Variants in HBG2 observed in about 807,000 individuals in gnomAD.
The protein encoded by HBG2 is hemoglobin subunit gamma 2.
For missense variants in HBG2, 59 were observed against 155.7 expected (o/e 0.38, Z 3.31); for synonymous variants, 25 against 63.2 (o/e 0.40, Z 2.87).
chr11:5,253,189 G>C lies in HBG2; in HGVS notation c.*88C>G, dbSNP rs1237666371. ...TAAAAAAAGAACTGAAGACAACCATGTGTGATCTCTTAGCAGAATAGATTT... is the reference window on the plus strand; with the variant it reads ...TAAAAAAAGAACTGAAGACAACCATCTGTGATCTCTTAGCAGAATAGATTT... On this transcript the variant is annotated 3_prime_UTR_variant, in exon 3 of 3. Transcript: ENST00000336906. 1.9e-6 allele frequency: 3 copies of C among 1,584,910 alleles called. No individual in the cohort carries two copies. The highest frequency in any genetic ancestry group is 2.6e-6 in the Non-Finnish European group (3 of 1,154,560).
rs530883230 is a variant in HBG2 at position 5,253,264 on chromosome 11, A to T, written c.*13T>A. On this transcript the variant is annotated 3_prime_UTR_variant, in exon 3 of 3. Coordinates refer to ENST00000336906, the MANE Select transcript of HBG2 (RefSeq NM_000184.3). ...AGCCTATCCTTGAAAGCTCTGCATCATGGGCAGTGAGCTCAGTGGTATCTG... is the reference window on the plus strand; with the variant it reads ...AGCCTATCCTTGAAAGCTCTGCATCTTGGGCAGTGAGCTCAGTGGTATCTG... The T allele has an allele frequency of 6.2e-7, 1 of 1,614,040 alleles. No homozygotes were observed. Among genetic ancestry groups the T allele is most frequent in the African/African-American group, 1.3e-5 (1 of 75,050 alleles).
chr11:5,253,966 C>T (rs1219872456), intron 2 of HBG2, among the ~76,000 whole-genome samples: 1 of 151,898 alleles, frequency 6.6e-6, no homozygotes, highest in African/African-American at 2.4e-5. Context: ...CTTGTCCTGC[C>T]TCCAGATAGA....
intron 2 of HBG2, among the ~76,000 whole-genome samples, chr11:5,253,920 T>G (rs1431393948): frequency 6.6e-6 from 1 of 152,098 alleles, no homozygotes; most frequent in East Asian, 1.9e-4. Flanking sequence ...ACTGAGCCAA[T>G]ATATGCCTTC....
chr11:5,253,571 T>C lies in HBG2; in HGVS notation c.316-166A>G, dbSNP rs3993804. Among the ~76,000 whole-genome samples, 7 of 152,174 alleles carry C rather than the reference T, an allele frequency of 4.6e-5. No homozygotes were observed. The South Asian group carries it at 8.4e-4, about 18-fold the overall frequency. On this transcript the variant is annotated intron_variant, in intron 2 of 2. Coordinates refer to ENST00000336906, the MANE Select transcript of HBG2 (RefSeq NM_000184.3). ...CCCATTAAATGCAGGTAGTTGTTCTTCTTGCAGCACTAGTCACTGGCCATA... is the reference window on the plus strand; with the variant it reads ...CCCATTAAATGCAGGTAGTTGTTCTCCTTGCAGCACTAGTCACTGGCCATA...
chr11:5,253,698 G>GCACACACA (rs1554922324), intron 2 of HBG2, among the ~76,000 whole-genome samples: 12 of 134,552 alleles, frequency 8.9e-5, no homozygotes, highest in East Asian at 2.2e-4. Flanking sequence ...ACACACGCGC[G>GCACACACA]CACACACACA....
rs182105286 is a variant in HBG2 at position 5,254,150 on chromosome 11, C to A, written c.315+142G>T. 8.2e-4 allele frequency: 848 copies of A among 1,037,306 alleles called. No individual in the cohort carries two copies. The African/African-American group carries it at 0.012, about 14-fold the overall frequency. The allele number at this position is 1,037,306 out of a possible 1,614,324, so 64.3% of individuals were successfully genotyped here. A position where few individuals can be genotyped will look rare whatever the true frequency, so the allele number is the denominator to read the frequency against. On this transcript the variant is annotated intron_variant, in intron 2 of 2. Transcript: ENST00000336906. Reference sequence around the variant, plus strand: ...TAAAACATTGCCACTGGGTCTCAGCCCAGTTAGTCCTCTGCAGTTTCTTCA... The same window carrying A: ...TAAAACATTGCCACTGGGTCTCAGCACAGTTAGTCCTCTGCAGTTTCTTCA...
At position 5,254,706 on chromosome 11, in the gene HBG2, T is replaced by G; in HGVS notation, c.23A>C (p.Asp8Ala). The change falls in exon 1 of 3, where the codon GAC becomes GCC. Residue 8 changes from aspartate to alanine, a missense_variant. Physicochemically the swap from Asp to Ala is moderately radical, Grantham distance 126. Transcript: ENST00000336906. The part of the protein sequence containing the change: MGHFTEE[D>A]KATITSLWGK... ...CCACAGGCTTGTGATAGTAGCCTTGTCCTCCTCTGTGAAATGACCCATGGC... is the reference window on the plus strand; with the variant it reads ...CCACAGGCTTGTGATAGTAGCCTTGGCCTCCTCTGTGAAATGACCCATGGC... 1 of 724,458 alleles carries G rather than the reference T, an allele frequency of 1.4e-6. No homozygotes were observed. The highest frequency in any genetic ancestry group is 2.3e-6 in the Non-Finnish European group (1 of 433,874). 44.9% of individuals were successfully genotyped at this position (724,458 alleles called of 1,614,324 possible).
intron 2 of HBG2, among the ~76,000 whole-genome samples, chr11:5,253,698 G>GCACACACACACACTCA: frequency 7.4e-6 from 1 of 134,460 alleles, no homozygotes; most frequent in Non-Finnish European, 1.7e-5. Context: ...ACACACGCGC[G>GCACACACACACACTCA]CACACACACA....
At chr11:5,253,674 TCA>T (rs1294182581) in intron 2 of HBG2, among the ~76,000 whole-genome samples, 1 of 134,958 alleles carries the variant, frequency 7.4e-6, no homozygotes, top group African/African-American at 2.9e-5. Context: ...ACACACGCTC[TCA>T]CACACACACA....
intron 2 of HBG2, 118 bp from the exon 3 acceptor site, chr11:5,253,523 C>G (rs1168267439): frequency 8.3e-7 from 1 of 1,204,470 alleles, no homozygotes. Context: ...GTTAACTTCC[C>G]TCAAAGCCTG....
intron 2 of HBG2, 68 bp downstream of exon 2, chr11:5,254,224 T>A: frequency 6.2e-7 from 1 of 1,607,248 alleles, no homozygotes; most frequent in Non-Finnish European, 8.5e-7. Context: ...TGTGCTCAGA[T>A]CAATACTCAG....
Position 5,253,266 on chromosome 11 carries a change from G to A in HBG2, c.*11C>T. 1 of 1,614,000 alleles carries A rather than the reference G, an allele frequency of 6.2e-7. No individual in the cohort carries two copies. Among genetic ancestry groups the A allele is most frequent in the South Asian group, 1.1e-5 (1 of 91,072 alleles). ...CCTATCCTTGAAAGCTCTGCATCAT[G>A]GGCAGTGAGCTCAGTGGTATCTGGA... On this transcript the variant is annotated 3_prime_UTR_variant, in exon 3 of 3. Coordinates refer to ENST00000336906, the MANE Select transcript of HBG2 (RefSeq NM_000184.3).
intron 2 of HBG2, among the ~76,000 whole-genome samples, chr11:5,253,719 C>CAG (rs1564886159): frequency 1.3e-5 from 2 of 150,634 alleles, no homozygotes; most frequent in African/African-American, 5.0e-5. Context: ...CACACACACA[C>CAG]AGAGCTGACT....
At chr11:5,253,608 G>A (rs575202869) in intron 2 of HBG2, among the ~76,000 whole-genome samples, 8 of 151,876 alleles carry the variant, frequency 5.3e-5, no homozygotes, top group South Asian at 4.2e-4. Flanking sequence ...TTTAAATCTT[G>A]TTATCTTCTT....
In HBG2 at chr11:5,253,424, A is replaced by G. The variant is rs772047916; in HGVS notation, c.316-19T>C. The G allele has an allele frequency of 1.1e-5, 18 of 1,609,388 alleles. No homozygotes were observed. The highest frequency in any genetic ancestry group is 1.3e-5 in the Non-Finnish European group (15 of 1,176,124). Reference sequence around the variant, plus strand: ...CCAGGAGCTGTTGAGATGAAAGGAGACAATAAAGATGAACCCATAGTGAGC... The same window carrying G: ...CCAGGAGCTGTTGAGATGAAAGGAGGCAATAAAGATGAACCCATAGTGAGC... On this transcript the variant is annotated intron_variant, in intron 2 of 2. Transcript: ENST00000336906.
Position 5,253,371 on chromosome 11 carries a change from A to G in HBG2, c.350T>C (p.Ile117Thr). The G allele has an allele frequency of 6.2e-7, 1 of 1,613,554 alleles. No individual in the cohort carries two copies. Among genetic ancestry groups the G allele is most frequent in the Admixed American group, 1.7e-5 (1 of 59,994 alleles). The stretch of plus-strand genomic sequence containing the variant: ...AGGGGTGAATTCTTTGCCGAAATGG[A>G]TTGCCAAAACGGTCACCAGCACATT... Reference protein sequence around the residue: ...LGNVLVTVLAIHFGKEFTPEV... With the variant: ...LGNVLVTVLATHFGKEFTPEV... The change falls in exon 3 of 3, where the codon ATC becomes ACC. Residue 117 changes from isoleucine (I) to threonine (T), a missense_variant. By Grantham distance (89) the Ile-to-Thr change is moderately conservative. Coordinates refer to ENST00000336906, the MANE Select transcript of HBG2 (RefSeq NM_000184.3).
chr11:5,254,353 G>A lies in HBG2; in HGVS notation c.254C>T (p.Thr85Ile). 3 of 1,614,306 alleles carry A rather than the reference G, an allele frequency of 1.9e-6. No individual in the cohort carries two copies. Among genetic ancestry groups the A allele is most frequent in the Non-Finnish European group, 1.7e-6 (2 of 1,180,056 alleles). Residue 85 changes from threonine (T) to isoleucine (I), a missense_variant, in exon 2 of 3, where the codon ACC (threonine) becomes ATC (isoleucine). Coordinates refer to ENST00000336906, the MANE Select transcript of HBG2 (RefSeq NM_000184.3). ...GTGCAGTTCACTCAGCTGGGCAAAG[G>A]TGCCCTTGAGATCATCCAGGTGCTT... Reference protein sequence around the residue: ...AIKHLDDLKGTFAQLSELHCD... With the variant: ...AIKHLDDLKGIFAQLSELHCD...
intron 2 of HBG2, among the ~76,000 whole-genome samples, chr11:5,253,698 G>GCGCGCACACACACACACA (rs141297974): frequency 3.7e-5 from 5 of 134,460 alleles, no homozygotes; most frequent in South Asian, 2.5e-4. Context: ...ACACACGCGC[G>GCGCGCACACACACACACA]CACACACACA....
At chr11:5,254,269 G>C in intron 2 of HBG2, 23 bp downstream of exon 2, 4 of 1,614,024 alleles carry the variant, frequency 2.5e-6, no homozygotes, top group Non-Finnish European at 3.4e-6. Context: ...AGGCAACAGT[G>C]CTGAAACATC....
Sources: gnomAD v4.1 joint callset for allele counts (sites outside exome capture counted in the v4.1 genomes callset) on GRCh38, gnomAD v4.1.1 for gene constraint, MANE v1.5 for transcripts, NCBI Gene and HGNC (gene_info 2026-07-23, HGNC 2026-07-21) for gene names.